Variants in PKP2 observed in about 807,000 individuals in gnomAD.
The protein encoded by PKP2 is plakophilin-2.
In PKP2, 73 loss-of-function variants were observed where a neutral mutation model predicts 83.4. That is an observed-to-expected ratio of 0.88 (90% confidence interval 0.72 to 1.06). The LOEUF is 1.06. PKP2 is among the 50% of genes least tolerant of loss of function. The pLI, the probability that PKP2 is intolerant of heterozygous loss-of-function variation, is 0.00. For synonymous variants in PKP2, 409 were observed against 430.4 expected (o/e 0.95, Z 0.62); for missense variants, 966 against 1,065.4 (o/e 0.91, Z 1.30).
Position 32,875,622 on chromosome 12 carries a change from C to T in PKP2, c.1034+2224G>A, listed in dbSNP as rs117259113. On this transcript the variant is annotated intron_variant, in intron 3 of 12. Coordinates refer to ENST00000340811, the MANE Select transcript of PKP2 (RefSeq NM_001005242.3). ...AGATAATTCTGACAGTCCTAGAGAA[C>T]GGTTCTGACTGAGCAAGACCAGAGG... Among the ~76,000 whole-genome samples the T allele has an allele frequency of 4.6e-3, 700 of 152,184 alleles. 4 individuals carry two copies. Among genetic ancestry groups the T allele is most frequent in the African/African-American group, 6.4e-3 (266 of 41,518 alleles).
chr12:32,881,422 A>T (rs1002035899), intron 1 of PKP2, among the ~76,000 whole-genome samples: 14 of 151,900 alleles, frequency 9.2e-5, no homozygotes, highest in Non-Finnish European at 1.5e-4. Context: ...AAAGAAAAAA[A>T]ATTTTTTTCT....
At position 32,886,858 on chromosome 12, in the gene PKP2, G is replaced by A. The variant is rs148881010; in HGVS notation, c.224-7826C>T. 4.6e-5 allele frequency among the ~76,000 whole-genome samples: 7 copies of A among 152,168 alleles called. 1 individual carries two copies. Among genetic ancestry groups the A allele is most frequent in the African/African-American group, 1.7e-4 (7 of 41,520 alleles). On this transcript the variant is annotated intron_variant, in intron 1 of 12. Coordinates refer to ENST00000340811, the MANE Select transcript of PKP2 (RefSeq NM_001005242.3). Reference sequence around the variant, plus strand: ...TTTTAAAAATTTAAAAATTAGCTGGGCATGGTGGCATGGGCCTGTAGTCCC... The same window carrying A: ...TTTTAAAAATTTAAAAATTAGCTGGACATGGTGGCATGGGCCTGTAGTCCC...
intron 1 of PKP2, among the ~76,000 whole-genome samples, chr12:32,890,757 G>A (rs962505257): frequency 6.6e-6 from 1 of 151,774 alleles, no homozygotes; most frequent in Non-Finnish European, 1.5e-5. Flanking sequence ...TCAGGAGTTC[G>A]AGACCATCCT....
At chr12:32,891,210 G>T (rs555922581) in intron 1 of PKP2, among the ~76,000 whole-genome samples, 23 of 152,252 alleles carry the variant, frequency 1.5e-4, no homozygotes, top group African/African-American at 5.1e-4. Flanking sequence ...CAAGATACCT[G>T]AAGTCCAACA....
intron 1 of PKP2, among the ~76,000 whole-genome samples, chr12:32,889,275 C>T (rs183437543): frequency 1.1e-4 from 16 of 152,156 alleles, no homozygotes; most frequent in East Asian, 5.8e-4. Context: ...CATTAGATCA[C>T]GAAGAACTTG....
chr12:32,857,958 T>C (rs1956763455), intron 4 of PKP2, among the ~76,000 whole-genome samples: 1 of 147,204 alleles, frequency 6.8e-6, no homozygotes, highest in South Asian at 2.1e-4. Flanking sequence ...CCTGGTGTGG[T>C]GGCTCACGCC....
At chr12:32,806,787 T>C (rs957452158) in intron 9 of PKP2, among the ~76,000 whole-genome samples, 86 of 152,058 alleles carry the variant, frequency 5.7e-4, no homozygotes, top group Non-Finnish European at 2.8e-4. Context: ...GTTCTTTTAG[T>C]TGTGATGTTA....
intron 5 of PKP2, among the ~76,000 whole-genome samples, chr12:32,842,351 T>TC (rs1956601648): frequency 6.6e-6 from 1 of 152,078 alleles, no homozygotes; most frequent in Non-Finnish European, 1.5e-5. Flanking sequence ...CAAGCAATGC[T>TC]CCTGCCTCAG....
chr12:32,806,642 T>G (rs1956228273), intron 9 of PKP2, among the ~76,000 whole-genome samples: 1 of 151,696 alleles, frequency 6.6e-6, no homozygotes. Flanking sequence ...TTATTAATTT[T>G]TTTCAAAAAA....
intron 4 of PKP2, among the ~76,000 whole-genome samples, chr12:32,861,028 AAAAC>A (rs58398546): frequency 0.023 from 3,523 of 151,454 alleles, 53 homozygotes; most frequent in Non-Finnish European, 0.037. Context: ...ACTCTGTCTC[AAAAC>A]AAACAAACAA....
chr12:32,850,766 C>T lies in PKP2; in HGVS notation c.1378G>A (p.Gly460Ser), dbSNP rs794729106. The T allele has an allele frequency of 1.2e-6, 2 of 1,610,192 alleles. No homozygotes were observed. The highest frequency in any genetic ancestry group is 1.7e-6 in the Non-Finnish European group (2 of 1,178,128). ...RDLETKKQITGLLWNLSSNDK... is the reference protein window; with the variant it reads ...RDLETKKQITSLLWNLSSNDK... ...TTCTTCAATGTTCAGTAAGCACTAC[C>T]TGTTATTTGTTTTTTAGTCTCCAAG... The change falls in exon 5 of 13, where the codon GGT (glycine) becomes AGT (serine). Residue 460 changes from glycine (G) to serine (S), a missense_variant and splice_region_variant. Physicochemically the swap from Gly to Ser is moderately conservative, Grantham distance 56. Coordinates refer to ENST00000340811, the MANE Select transcript of PKP2 (RefSeq NM_001005242.3).
At chr12:32,884,003 A>G (rs1351948376) in intron 1 of PKP2, among the ~76,000 whole-genome samples, 1 of 152,210 alleles carries the variant, frequency 6.6e-6, no homozygotes, top group East Asian at 1.9e-4. Flanking sequence ...AATTAGGTCA[A>G]AGACTCATTC....
At position 32,845,334 on chromosome 12, in the gene PKP2, G is replaced by A. The variant is rs554702868; in HGVS notation, c.1379-4129C>T. Among the ~76,000 whole-genome samples, 26 of 152,218 alleles carry A rather than the reference G, an allele frequency of 1.7e-4. 1 individual carries two copies. The South Asian group carries it at 5.2e-3, about 30-fold the overall frequency. ...TGGGAGGCCGAGGGGGGCGGATCAC[G>A]AGGTCAGGAGATTGAGACCATCCTG... is the stretch of plus-strand genomic sequence containing the variant. On this transcript the variant is annotated intron_variant, in intron 5 of 12. Coordinates refer to ENST00000340811, the MANE Select transcript of PKP2 (RefSeq NM_001005242.3).
intron 6 of PKP2, among the ~76,000 whole-genome samples, chr12:32,826,678 T>A (rs977285718): frequency 2.0e-5 from 3 of 152,154 alleles, no homozygotes; most frequent in Admixed American, 2.0e-4. Context: ...AATAAAACAA[T>A]TTTTTACTTA....
rs114561683 is a variant in PKP2, at chr12:32,802,336, G to A, written c.2167+67C>T. On this transcript the variant is annotated intron_variant, in intron 10 of 12. Transcript: ENST00000340811. ...ATCTTTGTGAACGGGAGGTGATACAGACAACATTTCATTGCATTGTATCTT... is the reference window on the plus strand; with the variant it reads ...ATCTTTGTGAACGGGAGGTGATACAAACAACATTTCATTGCATTGTATCTT... 7.4e-4 allele frequency: 1,119 copies of A among 1,503,370 alleles called. 8 individuals are homozygous for A. The African/African-American group carries it at 0.014, about 19-fold the overall frequency. 93.1% of individuals were successfully genotyped at this position (1,503,370 alleles called of 1,614,324 possible). A position where few individuals can be genotyped will look rare whatever the true frequency, so the allele number is the denominator to read the frequency against.
intron 6 of PKP2, among the ~76,000 whole-genome samples, chr12:32,825,249 A>T (rs911595155): frequency 1.4e-5 from 2 of 143,038 alleles, no homozygotes; most frequent in Non-Finnish European, 3.0e-5. Flanking sequence ...GCTCACTGTA[A>T]CCTCCACCTC....
At chr12:32,842,727 T>G (rs1258287059) in intron 5 of PKP2, among the ~76,000 whole-genome samples, 1 of 151,706 alleles carries the variant, frequency 6.6e-6, no homozygotes, top group Non-Finnish European at 1.5e-5. Flanking sequence ...AAGGCTGAAG[T>G]GCGGTGGCGC....
chr12:32,809,615 A>G (rs564716105), intron 9 of PKP2, among the ~76,000 whole-genome samples: 9 of 152,334 alleles, frequency 5.9e-5, no homozygotes, highest in African/African-American at 7.2e-5. Context: ...CTTGCTGGAA[A>G]TTCCGGGGCC....
At chr12:32,808,671 G>A (rs1355752996) in intron 9 of PKP2, among the ~76,000 whole-genome samples, 4 of 152,116 alleles carry the variant, frequency 2.6e-5, no homozygotes, top group African/African-American at 7.2e-5. Context: ...ATCTACCTTC[G>A]ACCTTTGAGG....
Sources: allele counts gnomAD v4.1 joint callset (sites outside exome capture counted in the v4.1 genomes callset), GRCh38; gene constraint gnomAD v4.1.1; transcripts MANE v1.5; gene names NCBI Gene and HGNC (gene_info 2026-07-23, HGNC 2026-07-21).